ADARB1: variants seen among roughly 807,000 people sequenced by gnomAD.
The protein encoded by ADARB1 is double-stranded RNA-specific editase 1.
Under a neutral mutation model 52.4 loss-of-function variants are expected in ADARB1, and 10 were observed. The observed-to-expected ratio is 0.19, with a 90% CI of 0.12 to 0.32. The LOEUF (loss-of-function observed/expected upper bound fraction) is 0.32. Among genes scored for constraint, ADARB1 ranks in the 10% least tolerant of loss-of-function variants. The pLI, the probability that ADARB1 is intolerant of heterozygous loss-of-function variation, is 1.00. For missense variants in ADARB1, 643 were observed against 922.3 expected (o/e 0.70, Z 3.92); for synonymous variants, 349 against 371.1 (o/e 0.94, Z 0.68).
intron 2 of ADARB1, among the ~76,000 whole-genome samples, chr21:45,136,549 C>T (rs1466727053): frequency 6.6e-6 from 1 of 152,226 alleles, no homozygotes; most frequent in Non-Finnish European, 1.5e-5. Context: ...ATTCCTTTAA[C>T]AACAAACATG....
At chr21:45,164,600 G>T (rs1056717893) in intron 2 of ADARB1, among the ~76,000 whole-genome samples, 4 of 152,156 alleles carry the variant, frequency 2.6e-5, no homozygotes, top group African/African-American at 9.7e-5. Flanking sequence ...GGGGTCTGAT[G>T]AAGCCTTGCG....
intron 1 of ADARB1, among the ~76,000 whole-genome samples, chr21:45,127,759 A>G (rs1052548104): frequency 5.3e-5 from 8 of 152,108 alleles, no homozygotes; most frequent in African/African-American, 1.9e-4. Context: ...CAATGGAGAA[A>G]CCCATTGCAG....
chr21:45,112,524 G>T (rs1316085918), intron 1 of ADARB1, among the ~76,000 whole-genome samples: 1 of 151,862 alleles, frequency 6.6e-6, no homozygotes, highest in African/African-American at 2.4e-5. Flanking sequence ...GTGTATCTCT[G>T]TGTAGAGTTG....
chr21:45,201,036 T>C (rs2092542824), intron 8 of ADARB1, among the ~76,000 whole-genome samples: 1 of 152,182 alleles, frequency 6.6e-6, no homozygotes, highest in South Asian at 2.1e-4. Context: ...TGGGGACACC[T>C]GTAGGTTCCT....
rs2085834537 is a variant in ADARB1, at chr21:45,074,619, C to CCGT, written c.-394_-393insCGT. On this transcript the variant is annotated 5_prime_UTR_variant, in exon 1 of 11. Transcript: ENST00000348831. ...GCCGTGGCGGCGGCGGCGGCGGCGG[C>CCGT]GGCAGCGGCGGCCAAGCGGCCAGGT... 6.7e-6 allele frequency: 1 copy of CCGT among 148,980 alleles called. No homozygotes were observed. Among genetic ancestry groups the CCGT allele is most frequent in the Non-Finnish European group, 1.5e-5 (1 of 68,260 alleles). The allele number at this position is 148,980 out of a possible 1,614,324, so 9.2% of individuals were successfully genotyped here.
chr21:45,120,737 A>C (rs1160690362), intron 1 of ADARB1: 1 of 152,186 alleles, frequency 6.6e-6, no homozygotes, highest in Non-Finnish European at 1.5e-5. Flanking sequence ...TATTGGCGAC[A>C]ATGTTTGTTT....
intron 1 of ADARB1, among the ~76,000 whole-genome samples, chr21:45,076,704 G>A (rs1421562565): frequency 6.6e-6 from 1 of 152,180 alleles, no homozygotes; most frequent in Non-Finnish European, 1.5e-5. Context: ...ACTTCCTCGT[G>A]AATTTATGTA....
chr21:45,222,370 G>A lies in ADARB1; in HGVS notation c.*173G>A, dbSNP rs1462772649. 3.7e-5 allele frequency: 50 copies of A among 1,364,028 alleles called. No individual in the cohort carries two copies. The South Asian group carries it at 6.2e-4, about 17-fold the overall frequency. The allele number at this position is 1,364,028 out of a possible 1,614,324, so 84.5% of individuals were successfully genotyped here. A position where few individuals can be genotyped will look rare whatever the true frequency, so the allele number is the denominator to read the frequency against. Reference sequence around the variant, plus strand: ...GCATCTCACATCAGACCTGGGGCAGGTGCGCAGTGTGGGGAGGGGATGGGG... The same window carrying A: ...GCATCTCACATCAGACCTGGGGCAGATGCGCAGTGTGGGGAGGGGATGGGG... On this transcript the variant is annotated 3_prime_UTR_variant, in exon 11 of 11. Coordinates refer to ENST00000348831, the MANE Select transcript of ADARB1 (RefSeq NM_001112.4).
intron 3 of ADARB1, among the ~76,000 whole-genome samples, chr21:45,173,495 T>C (rs1413494567): frequency 3.9e-5 from 6 of 152,124 alleles, no homozygotes; most frequent in African/African-American, 1.4e-4. Context: ...AGTGTATTCT[T>C]CTCAAGATTA....
At position 45,206,560 on chromosome 21, in the gene ADARB1, C is replaced by CTTTTTTTTT. The variant is rs71199660; in HGVS notation, c.1747+1847_1747+1855dup. On this transcript the variant is annotated intron_variant, in intron 9 of 10. Transcript: ENST00000348831. Reference sequence around the variant, plus strand: ...TTTCCTCCTCAATATCTTCTCTGGTCTTTTTTTTTTTTTTTTTTTTTTTTT... The same window carrying CTTTTTTTTT: ...TTTCCTCCTCAATATCTTCTCTGGTCTTTTTTTTTTTTTTTTTTTTTTTTTTTTTTTTTT... Among the ~76,000 whole-genome samples the CTTTTTTTTT allele has an allele frequency of 2.0e-4, 11 of 54,958 alleles. 2 individuals carry two copies. Among genetic ancestry groups the CTTTTTTTTT allele is most frequent in the African/African-American group, 5.3e-4 (7 of 13,264 alleles). 36.1% of individuals were successfully genotyped at this position (54,958 alleles called of 152,430 possible). A position where few individuals can be genotyped will look rare whatever the true frequency, so the allele number is the denominator to read the frequency against.
At chr21:45,211,447 G>A (rs893774070) in intron 9 of ADARB1, among the ~76,000 whole-genome samples, 9 of 152,138 alleles carry the variant, frequency 5.9e-5, no homozygotes, top group African/African-American at 2.2e-4. Context: ...GAGATTGTAA[G>A]TACACATTTT....
Position 45,204,874 on chromosome 21 carries a change from G to A in ADARB1, c.1747+138G>A. ...TCAGAGTCCTTCTAAAGAGACCCAA[G>A]GTGATGTTTCTGAGGCTCTCCGGGC... On this transcript the variant is annotated intron_variant, in intron 9 of 10. Transcript: ENST00000348831. This position sits in a 1 kb window ranked among gnomAD's most constrained non-coding sequence, Gnocchi z 4.4. The A allele has an allele frequency of 1.1e-6, 1 of 948,718 alleles. No homozygotes were observed. The highest frequency in any genetic ancestry group is 1.5e-6 in the Non-Finnish European group (1 of 656,714). 58.8% of individuals were successfully genotyped at this position (948,718 alleles called of 1,614,324 possible). A position where few individuals can be genotyped will look rare whatever the true frequency, so the allele number is the denominator to read the frequency against.
intron 2 of ADARB1, chr21:45,146,444 C>T (rs572656551): frequency 1.3e-5 from 2 of 152,356 alleles, no homozygotes; most frequent in Non-Finnish European, 2.9e-5. Flanking sequence ...AACCTGGTTT[C>T]AGCCGGACCG....
intron 9 of ADARB1, among the ~76,000 whole-genome samples, chr21:45,215,828 G>C (rs1035902207): frequency 1.3e-5 from 2 of 152,126 alleles, no homozygotes; most frequent in Non-Finnish European, 2.9e-5. Context: ...TAATGTCTTT[G>C]TCAGGCATAA....
intron 1 of ADARB1, among the ~76,000 whole-genome samples, chr21:45,114,022 A>G (rs1375692601): frequency 1.3e-5 from 2 of 152,220 alleles, no homozygotes; most frequent in South Asian, 2.1e-4. Context: ...TCTAACACAT[A>G]TGTGGCATTA....
intron 2 of ADARB1, among the ~76,000 whole-genome samples, chr21:45,154,889 T>A (rs2090475776): frequency 6.6e-6 from 1 of 152,198 alleles, no homozygotes; most frequent in South Asian, 2.1e-4. Context: ...TATGGAGCGC[T>A]TCCTGCACCC....
chr21:45,119,257 AT>A (rs2088011007), intron 1 of ADARB1, among the ~76,000 whole-genome samples: 1 of 152,112 alleles, frequency 6.6e-6, no homozygotes, highest in Admixed American at 6.6e-5. Context: ...TGACTGATTA[AT>A]TTTTAAATTT....
chr21:45,175,582 A>G, intron 3 of ADARB1, 148 bp from the exon 4 acceptor site: 1 of 802,294 alleles, frequency 1.2e-6, no homozygotes, highest in Admixed American at 2.6e-5. Flanking sequence ...AACTAAATGT[A>G]TAACTCTTCA....
intron 9 of ADARB1, among the ~76,000 whole-genome samples, chr21:45,210,045 A>G (rs972610810): frequency 2.0e-5 from 3 of 151,994 alleles, no homozygotes; most frequent in Non-Finnish European, 4.4e-5. Flanking sequence ...TGCCTGGCCC[A>G]CTTCCCTGCA....
Sources: allele counts gnomAD v4.1 joint callset (sites outside exome capture counted in the v4.1 genomes callset), GRCh38; gene constraint gnomAD v4.1.1; non-coding constraint Gnocchi (gnomAD v3.1); transcripts MANE v1.5; gene names NCBI Gene and HGNC (gene_info 2026-07-23, HGNC 2026-07-21).